EPDR1: variants seen among roughly 807,000 people sequenced by gnomAD.
EPDR1 encodes ependymin related 1.
EPDR1 carries 27 observed loss-of-function variants against 23.7 expected under a neutral mutation model. The ratio of observed to expected loss-of-function variants is 1.14; its 90% CI spans 0.84 to 1.57. The LOEUF is 1.57. Ranked by LOEUF, EPDR1 falls within the 40% of genes most tolerant of loss-of-function variation. The pLI is 0.00. For missense variants in EPDR1, 349 were observed against 290.4 expected (o/e 1.20, Z -1.47); for synonymous variants, 137 against 118.2 (o/e 1.16, Z -1.03).
chr7:37,945,918 C>T lies in EPDR1; in HGVS notation c.270-2922C>T, dbSNP rs112941118. Among the ~76,000 whole-genome samples, 886 of 152,188 alleles carry T rather than the reference C, an allele frequency of 5.8e-3. 5 individuals carry two copies. The highest frequency in any genetic ancestry group is 0.017 in the Middle Eastern group (5 of 294). ...CAGGCCCCAGTGTGTGTTGCTTCCCCGACGCGTCCATTTGTTCTCATCATT... is the reference window on the plus strand; with the variant it reads ...CAGGCCCCAGTGTGTGTTGCTTCCCTGACGCGTCCATTTGTTCTCATCATT... On this transcript the variant is annotated intron_variant, in intron 1 of 2. Transcript: ENST00000199448.
intron 1 of EPDR1, among the ~76,000 whole-genome samples, chr7:37,940,315 G>C (rs558972405): frequency 3.4e-4 from 52 of 152,260 alleles, no homozygotes; most frequent in African/African-American, 1.2e-3. Flanking sequence ...AGAGGAGATA[G>C]GGATGGAAGG....
intron 1 of EPDR1, among the ~76,000 whole-genome samples, chr7:37,927,130 A>G (rs1469542139): frequency 2.6e-5 from 4 of 152,164 alleles, no homozygotes; most frequent in Non-Finnish European, 4.4e-5. Context: ...TTCCTGGAGA[A>G]TAATATGTGG....
rs187906001 is a variant in EPDR1 at position 37,951,144 on chromosome 7, T to G, written c.*748T>G. ...TTTTCTATGCAAGAGTATTGATGTA[T>G]GTGCTGAATCTTCACAGACTTGTCA... On this transcript the variant is annotated 3_prime_UTR_variant, in exon 3 of 3. Transcript: ENST00000199448. 8.3e-4 allele frequency: 127 copies of G among 152,326 alleles called. No homozygotes were observed. The highest frequency in any genetic ancestry group is 3.0e-3 in the African/African-American group (124 of 41,568). 9.4% of individuals were successfully genotyped at this position (152,326 alleles called of 1,614,324 possible). A position where few individuals can be genotyped will look rare whatever the true frequency, so the allele number is the denominator to read the frequency against.
intron 1 of EPDR1, chr7:37,921,436 A>T: frequency 1.4e-6 from 2 of 1,383,662 alleles, no homozygotes; most frequent in Non-Finnish European, 1.9e-6. Context: ...AGTAACACCC[A>T]GCGAGGCGGT....
intron 1 of EPDR1, among the ~76,000 whole-genome samples, chr7:37,923,336 T>G (rs1049573923): frequency 6.6e-6 from 1 of 152,094 alleles, no homozygotes; most frequent in Non-Finnish European, 1.5e-5. Flanking sequence ...TTGAAGAGGT[T>G]CAACTGAGGA....
intron 1 of EPDR1, among the ~76,000 whole-genome samples, chr7:37,942,818 C>T (rs1286885359): frequency 6.6e-6 from 1 of 152,066 alleles, no homozygotes; most frequent in African/African-American, 2.4e-5. Context: ...GAAAACTTCC[C>T]CAGATTTTCG....
chr7:37,921,545 G>T, intron 1 of EPDR1: 1 of 1,258,160 alleles, frequency 7.9e-7, no homozygotes, highest in Non-Finnish European at 1.0e-6. Flanking sequence ...CAGGCTCTGG[G>T]CTCATGGAGC....
chr7:37,930,581 T>A (rs1562858373), intron 1 of EPDR1, among the ~76,000 whole-genome samples: 2 of 152,212 alleles, frequency 1.3e-5, no homozygotes, highest in African/African-American at 4.8e-5. Context: ...CACCCTGTCC[T>A]TTTGAATAGA....
intron 1 of EPDR1, 114 bp from the exon 2 acceptor site, chr7:37,948,726 C>G: frequency 1.4e-6 from 1 of 740,362 alleles, no homozygotes; most frequent in South Asian, 1.7e-5. Context: ...GATTGCCTAG[C>G]TAGTAATTTC....
At chr7:37,947,476 C>G (rs140618129) in intron 1 of EPDR1, among the ~76,000 whole-genome samples, 23 of 152,304 alleles carry the variant, frequency 1.5e-4, no homozygotes, top group African/African-American at 5.1e-4. Flanking sequence ...AGACAGTAAC[C>G]ATTTCTAACA....
chr7:37,939,065 G>A (rs780087092), intron 1 of EPDR1, among the ~76,000 whole-genome samples: 6 of 150,962 alleles, frequency 4.0e-5, no homozygotes, highest in South Asian at 2.1e-4. Context: ...TGCAAGCTCT[G>A]CCTCCTGAGT....
rs149181145 is a variant in EPDR1 at position 37,945,952 on chromosome 7, G to A, written c.270-2888G>A. On this transcript the variant is annotated intron_variant, in intron 1 of 2. Coordinates refer to ENST00000199448, the MANE Select transcript of EPDR1 (RefSeq NM_017549.5). ...CATTTGTTCTCATCATTCAGCTCCC[G>A]CTTATAAGTGAGAACATGCAGTATT... Among the ~76,000 whole-genome samples, 902 of 152,192 alleles carry A rather than the reference G, an allele frequency of 5.9e-3. 9 individuals carry two copies. The highest frequency in any genetic ancestry group is 0.019 in the African/African-American group (779 of 41,518).
chr7:37,922,672 G>GGGA (rs1554372871), intron 1 of EPDR1, among the ~76,000 whole-genome samples: 1 of 151,104 alleles, frequency 6.6e-6, no homozygotes, highest in Non-Finnish European at 1.5e-5. Context: ...AGCTAGGGGG[G>GGGA]GGTTCTGACG....
intron 1 of EPDR1, among the ~76,000 whole-genome samples, chr7:37,939,170 G>A (rs1218029351): frequency 5.9e-5 from 9 of 151,846 alleles, no homozygotes; most frequent in East Asian, 1.9e-4. Context: ...TAGTAGAGAC[G>A]GGGTTTCACC....
At position 37,949,014 on chromosome 7, in the gene EPDR1, C is replaced by G. The variant is rs1786340020; in HGVS notation, c.444C>G (p.Val148=). 1.2e-6 allele frequency: 2 copies of G among 1,614,018 alleles called. No homozygotes were observed. The highest frequency in any genetic ancestry group is 2.7e-5 in the African/African-American group (2 of 74,904). ...GGGGGCCTCAGGAGCAGATCACCGTCCAGGAGTGGTCGGACAGAAAGTCAG... is the reference window on the plus strand; with the variant it reads ...GGGGGCCTCAGGAGCAGATCACCGTGCAGGAGTGGTCGGACAGAAAGTCAG... ...SIGGPQEQIT[V]QEWSDRKSAR... Residue 148 remains valine (V), a synonymous_variant, in exon 2 of 3, where the codon GTC becomes GTG. Coordinates refer to ENST00000199448, the MANE Select transcript of EPDR1 (RefSeq NM_017549.5).
In EPDR1 at chr7:37,930,263, G is replaced by A. The variant is rs886553486; in HGVS notation, c.269+9055G>A. Among the ~76,000 whole-genome samples, 9 of 152,298 alleles carry A rather than the reference G, an allele frequency of 5.9e-5. No homozygotes were observed. In the South Asian group the frequency reaches 8.3e-4, roughly 14 times the overall value. On this transcript the variant is annotated intron_variant, in intron 1 of 2. Coordinates refer to ENST00000199448, the MANE Select transcript of EPDR1 (RefSeq NM_017549.5). ...CAGCCCCAGCTCTCTCAGGGAAGAC[G>A]CTGCTCCAGAGCATCTCAGAAGCCA...
At chr7:37,927,319 T>C (rs1327426795) in intron 1 of EPDR1, among the ~76,000 whole-genome samples, 4 of 152,350 alleles carry the variant, frequency 2.6e-5, no homozygotes, top group Non-Finnish European at 5.9e-5. Flanking sequence ...TTCTAATCCA[T>C]ACAGGTGTTT....
In EPDR1 at chr7:37,951,527, C is replaced by A. The variant is rs2722279; in HGVS notation, c.*1131C>A. 0.89 allele frequency: 135,224 copies of A among 152,300 alleles called. 60,516 individuals are homozygous for A. Among genetic ancestry groups the A allele is most frequent in the Non-Finnish European group, 0.93 (63,360 of 68,040 alleles). 9.4% of individuals were successfully genotyped at this position (152,300 alleles called of 1,614,324 possible). A position where few individuals can be genotyped will look rare whatever the true frequency, so the allele number is the denominator to read the frequency against. ...TGGGTACGGGTACCTTGTATGTTTA[C>A]TTTTATATCCCTAGCACAAAGCAAG... is the stretch of plus-strand genomic sequence containing the variant. On this transcript the variant is annotated 3_prime_UTR_variant, in exon 3 of 3. Transcript: ENST00000199448.
chr7:37,921,256 T>G lies in EPDR1; in HGVS notation c.269+48T>G. ...GCGGGAGTAGGGAGCCGCGCGGGCA[T>G]GGGGAGGGCGAGGTCGCAGAGGCCT... is the stretch of plus-strand genomic sequence containing the variant. On this transcript the variant is annotated intron_variant, in intron 1 of 2. Coordinates refer to ENST00000199448, the MANE Select transcript of EPDR1 (RefSeq NM_017549.5). The G allele has an allele frequency of 2.6e-6, 4 of 1,535,372 alleles. No homozygotes were observed. The East Asian group carries it at 9.6e-5, about 37-fold the overall frequency.
Sources: allele counts gnomAD v4.1 joint callset (sites outside exome capture counted in the v4.1 genomes callset), GRCh38; gene constraint gnomAD v4.1.1; transcripts MANE v1.5; gene names NCBI Gene and HGNC (gene_info 2026-07-23, HGNC 2026-07-21).